Variants in DTNA observed in about 807,000 individuals in gnomAD.
DTNA encodes the protein dystrophin-related protein 3.
DTNA carries 43 observed loss-of-function variants against 100.7 expected under a neutral mutation model. The ratio of observed to expected loss-of-function variants is 0.43; its 90% CI spans 0.33 to 0.55. The LOEUF (loss-of-function observed/expected upper bound fraction) is 0.55. Among genes scored for constraint, DTNA ranks in the 20% least tolerant of loss-of-function variants. The probability of loss-of-function intolerance (pLI) is 0.04; values close to 1 mark genes in which losing one functional copy is unlikely to be tolerated. For synonymous variants in DTNA, 349 were observed against 347.9 expected (o/e 1.00, Z -0.04); for missense variants, 798 against 953.9 (o/e 0.84, Z 2.15).
intron 1 of DTNA, among the ~76,000 whole-genome samples, chr18:34,515,297 G>C (rs982696032): frequency 1.3e-5 from 2 of 152,034 alleles, no homozygotes; most frequent in Non-Finnish European, 2.9e-5. Context: ...CTGTTGGTCA[G>C]CTAATCCTTA....
rs111565240 is a variant in DTNA at position 34,569,191 on chromosome 18, G to A, written c.-2+75677G>A. ...AATGTACACACCCAGACATTTTTGT[G>A]TGTAGAAATGTGTGTACAGGAGAAG... On this transcript the variant is annotated intron_variant, in intron 1 of 19. Transcript: ENST00000283365. Among the ~76,000 whole-genome samples, 215 of 152,248 alleles carry A rather than the reference G, an allele frequency of 1.4e-3. 2 individuals carry two copies. Among genetic ancestry groups the A allele is most frequent in the African/African-American group, 4.9e-3 (204 of 41,552 alleles).
At chr18:34,524,540 G>A (rs1042205931) in intron 1 of DTNA, among the ~76,000 whole-genome samples, 20 of 152,098 alleles carry the variant, frequency 1.3e-4, no homozygotes, top group Non-Finnish European at 2.6e-4. Flanking sequence ...GATATCATCT[G>A]ACTTCTATTA....
intron 1 of DTNA, 55 bp from the exon 2 acceptor site, chr18:34,755,921 C>T (rs2092736977): frequency 3.3e-6 from 5 of 1,500,084 alleles, no homozygotes; most frequent in South Asian, 1.1e-5. Context: ...AGAGAAATGG[C>T]TTCTTGCCTC....
At chr18:34,636,932 C>T (rs1250273408) in intron 1 of DTNA, among the ~76,000 whole-genome samples, 1 of 152,074 alleles carries the variant, frequency 6.6e-6, no homozygotes, top group Non-Finnish European at 1.5e-5. Context: ...GATATTGATG[C>T]TCAATGGATG....
At chr18:34,543,666 C>T (rs2044473959) in intron 1 of DTNA, among the ~76,000 whole-genome samples, 1 of 152,052 alleles carries the variant, frequency 6.6e-6, no homozygotes, top group Admixed American at 6.6e-5. Context: ...TGGAATATAG[C>T]AAGCCCAAAT....
chr18:34,625,268 G>A (rs1447953338), intron 1 of DTNA, among the ~76,000 whole-genome samples: 2 of 152,082 alleles, frequency 1.3e-5, no homozygotes, highest in African/African-American at 4.8e-5. Context: ...ACCTCAGGCA[G>A]TCCACCTGCC....
chr18:34,748,461 G>A (rs1290581900), intron 1 of DTNA, among the ~76,000 whole-genome samples: 5 of 152,028 alleles, frequency 3.3e-5, no homozygotes, highest in South Asian at 2.1e-4. Context: ...AAGTCTTTGA[G>A]CCATATTGAG....
chr18:34,764,926 G>C (rs4799780), intron 2 of DTNA, among the ~76,000 whole-genome samples: 110,677 of 152,058 alleles, frequency 0.73, 40,715 homozygotes, highest in East Asian at 0.91. Flanking sequence ...TTTATTGATA[G>C]TCTAATGTGT....
chr18:34,883,248 C>G (rs544233507), intron 21 of DTNA, among the ~76,000 whole-genome samples: 2 of 152,124 alleles, frequency 1.3e-5, no homozygotes, highest in Non-Finnish European at 2.9e-5. Flanking sequence ...TTATTTTATC[C>G]TGTCAGACTT....
At chr18:34,666,548 G>GT (rs1568163813) in intron 1 of DTNA, among the ~76,000 whole-genome samples, 1 of 152,044 alleles carries the variant, frequency 6.6e-6, no homozygotes, top group African/African-American at 2.4e-5. Context: ...GGTTTTTATG[G>GT]TTTTAGGTCT....
intron 1 of DTNA, among the ~76,000 whole-genome samples, chr18:34,544,063 T>G (rs1042161247): frequency 6.6e-6 from 1 of 152,084 alleles, no homozygotes; most frequent in Admixed American, 6.6e-5. Context: ...CAGGAAAATA[T>G]TGATTATGCA....
chr18:34,741,713 A>G (rs930965702), intron 1 of DTNA, among the ~76,000 whole-genome samples: 3 of 152,188 alleles, frequency 2.0e-5, no homozygotes, highest in Non-Finnish European at 4.4e-5. Flanking sequence ...CATTTATCAG[A>G]TATGCAAGAA....
At chr18:34,522,821 A>G (rs1018157480) in intron 1 of DTNA, among the ~76,000 whole-genome samples, 5 of 152,198 alleles carry the variant, frequency 3.3e-5, no homozygotes, top group Admixed American at 2.6e-4. Context: ...CAGCTTGCCA[A>G]TGGGCACTTT....
intron 1 of DTNA, among the ~76,000 whole-genome samples, chr18:34,552,250 G>T (rs1186422539): frequency 6.6e-6 from 1 of 151,796 alleles, no homozygotes; most frequent in African/African-American, 2.4e-5. Flanking sequence ...TGAACACCTC[G>T]ATGGAAGATG....
At chr18:34,680,197 C>T (rs1259941066) in intron 1 of DTNA, among the ~76,000 whole-genome samples, 1 of 152,110 alleles carries the variant, frequency 6.6e-6, no homozygotes, top group Non-Finnish European at 1.5e-5. Flanking sequence ...CACACACACT[C>T]ACATTAAGCT....
chr18:34,818,764 A>G (rs1358663481), intron 8 of DTNA: 1 of 571,656 alleles, frequency 1.7e-6, no homozygotes, highest in Non-Finnish European at 2.4e-6. Context: ...TATTAAAGAA[A>G]CAAGTATGAG....
chr18:34,653,997 A>C (rs1358028568), intron 1 of DTNA, among the ~76,000 whole-genome samples: 1 of 152,136 alleles, frequency 6.6e-6, no homozygotes, highest in Non-Finnish European at 1.5e-5. Flanking sequence ...CTTGTCAGCC[A>C]TTTCAGATAA....
chr18:34,611,439 T>C (rs1274931415), intron 1 of DTNA, among the ~76,000 whole-genome samples: 1 of 152,246 alleles, frequency 6.6e-6, no homozygotes, highest in East Asian at 1.9e-4. Flanking sequence ...TCTTTATTCA[T>C]ATGAACTCAT....
At chr18:34,665,893 G>A (rs142369848) in intron 1 of DTNA, among the ~76,000 whole-genome samples, 2,294 of 152,246 alleles carry the variant, frequency 0.015, 49 homozygotes, top group African/African-American at 0.052. Flanking sequence ...ACGTGTGCAT[G>A]TGTCTTTATA....
Sources: gnomAD v4.1 joint callset for allele counts (sites outside exome capture counted in the v4.1 genomes callset) on GRCh38, gnomAD v4.1.1 for gene constraint, MANE v1.5 for transcripts, NCBI Gene and HGNC (gene_info 2026-07-23, HGNC 2026-07-21) for gene names.